Variants in KSR2 observed in about 807,000 individuals in gnomAD.
KSR2 encodes kinase suppressor of ras 2.
Under a neutral mutation model 107.8 loss-of-function variants are expected in KSR2, and 25 were observed. The ratio of observed to expected loss-of-function variants is 0.23; its 90% confidence interval spans 0.17 to 0.32. The LOEUF is 0.32. Among genes scored for constraint, KSR2 ranks in the 10% least tolerant of loss-of-function variants. KSR2 has a pLI of 1.00. For synonymous variants in KSR2, 480 were observed against 507.0 expected, an observed-to-expected ratio of 0.95 and a Z score of 0.71; for missense variants, 887 against 1,268.9, an observed-to-expected ratio of 0.70 and a Z score of 4.57.
chr12:117,811,521 A>C lies in KSR2; in HGVS notation c.472+43907T>G, dbSNP rs118144172. ...TCTGTGTTTTCACCAGCCCTCTAGG[A>C]GATTCTGATCCATGCTCAAGTTTGA... On this transcript the variant is annotated intron_variant, in intron 3 of 19. Coordinates refer to ENST00000339824, the MANE Select transcript of KSR2 (RefSeq NM_173598.6). Among the ~76,000 whole-genome samples, 931 of 152,298 alleles carry C rather than the reference A, an allele frequency of 6.1e-3. 6 individuals carry two copies. Among genetic ancestry groups the C allele is most frequent in the Admixed American group, 7.3e-3 (112 of 15,302 alleles).
intron 3 of KSR2, among the ~76,000 whole-genome samples, chr12:117,789,088 A>T (rs2136967776): frequency 6.6e-6 from 1 of 152,334 alleles, no homozygotes; most frequent in African/African-American, 2.4e-5. Context: ...CTCACTTTGC[A>T]ATTTGTCTAG....
At position 117,880,720 on chromosome 12, in the gene KSR2, T is replaced by C. The variant is rs1280139180; in HGVS notation, c.181-20289A>G. Among the ~76,000 whole-genome samples, 3 of 149,656 alleles carry C rather than the reference T, an allele frequency of 2.0e-5. No homozygotes were observed. The East Asian group carries it at 5.9e-4, about 29-fold the overall frequency. ...ACAGAATTTTGCCAGATTCTTTTTT[T>C]TTTTTTTTTTTTTTTCTGAGACGTG... On this transcript the variant is annotated intron_variant, in intron 1 of 19. Transcript: ENST00000339824.
chr12:117,494,977 C>G (rs920858779), intron 14 of KSR2, among the ~76,000 whole-genome samples: 3 of 152,216 alleles, frequency 2.0e-5, no homozygotes, highest in Admixed American at 2.0e-4. Flanking sequence ...TGGCTGGAAT[C>G]CAAAGAGTGT....
At chr12:117,859,139 C>CTT (rs34697963) in intron 2 of KSR2, among the ~76,000 whole-genome samples, 1,093 of 81,004 alleles carry the variant, frequency 0.013, 2 homozygotes, top group Middle Eastern at 0.02. Flanking sequence ...ATGAGCTGAA[C>CTT]TTTTTTTTTT....
At chr12:117,676,226 T>C (rs1420106906) in intron 4 of KSR2, among the ~76,000 whole-genome samples, 2 of 152,166 alleles carry the variant, frequency 1.3e-5, no homozygotes, top group Non-Finnish European at 2.9e-5. Context: ...ATAGCCCTCA[T>C]TTCTGGCTGG....
chr12:117,739,055 T>C (rs1888058741), intron 4 of KSR2, among the ~76,000 whole-genome samples: 1 of 152,128 alleles, frequency 6.6e-6, no homozygotes, highest in Non-Finnish European at 1.5e-5. Context: ...ATTAAATATA[T>C]TTTAAAAATA....
At chr12:117,644,129 A>T (rs548002450) in intron 5 of KSR2, among the ~76,000 whole-genome samples, 5 of 152,298 alleles carry the variant, frequency 3.3e-5, no homozygotes, top group African/African-American at 1.2e-4. Context: ...CAAGGGGCTG[A>T]GCAGCTGCCT....
chr12:117,717,666 GGTGTGTGTGTGTGTGTGTGTGTGT>G (rs55910019), intron 4 of KSR2, among the ~76,000 whole-genome samples: 2 of 144,366 alleles, frequency 1.4e-5, no homozygotes, highest in Admixed American at 6.9e-5. Flanking sequence ...GGGGCAGACA[GGTGTGTGTGTGTGTGTGTGTGTGT>G]GTGTGTGTGT....
intron 5 of KSR2, among the ~76,000 whole-genome samples, chr12:117,608,598 A>T (rs1881419491): frequency 6.6e-6 from 1 of 152,210 alleles, no homozygotes; most frequent in African/African-American, 2.4e-5. Flanking sequence ...GGTGCCCATG[A>T]AAATCCTTTC....
chr12:117,583,895 C>T (rs1201985918), intron 5 of KSR2, among the ~76,000 whole-genome samples: 4 of 152,328 alleles, frequency 2.6e-5, no homozygotes, highest in Middle Eastern at 3.4e-3. Flanking sequence ...GCTGCAAATG[C>T]ATGCCTCATT....
intron 4 of KSR2, among the ~76,000 whole-genome samples, chr12:117,730,656 G>A (rs673277): frequency 0.23 from 35,683 of 152,132 alleles, 5,302 homozygotes; most frequent in Admixed American, 0.37. Context: ...TTGCAGGCAC[G>A]CGCCGCCACG....
chr12:117,520,037 G>A (rs1404041079), intron 14 of KSR2, among the ~76,000 whole-genome samples: 2 of 152,194 alleles, frequency 1.3e-5, no homozygotes, highest in African/African-American at 4.8e-5. Context: ...AGGTGATTGT[G>A]ATATGACCAA....
chr12:117,730,965 G>A (rs1483442409), intron 4 of KSR2, among the ~76,000 whole-genome samples: 1 of 151,002 alleles, frequency 6.6e-6, no homozygotes, highest in Admixed American at 6.6e-5. Context: ...CTGCCTGGAC[G>A]TCCATCGTCT....
chr12:117,950,595 G>C (rs1332719176), intron 1 of KSR2, among the ~76,000 whole-genome samples: 2 of 151,704 alleles, frequency 1.3e-5, no homozygotes, highest in African/African-American at 4.8e-5. Context: ...AAAAAAATTA[G>C]CCAGGCATGG....
At chr12:117,768,336 T>C (rs1889319654) in intron 3 of KSR2, among the ~76,000 whole-genome samples, 1 of 152,174 alleles carries the variant, frequency 6.6e-6, no homozygotes, top group African/African-American at 2.4e-5. Flanking sequence ...ATCATATGGC[T>C]TAAAAGCCAC....
chr12:117,539,808 G>A lies in KSR2; in HGVS notation c.1598C>T (p.Ala533Val). The A allele has an allele frequency of 6.2e-7, 1 of 1,608,776 alleles. No homozygotes were observed. Among genetic ancestry groups the A allele is most frequent in the Non-Finnish European group, 8.5e-7 (1 of 1,177,910 alleles). Residue 533 changes from alanine (A) to valine (V), a missense_variant, in exon 10 of 20, where the codon GCA (alanine) becomes GTA (valine). Transcript: ENST00000339824. ...STTSSTPSSP[A>V]PPLPPSATPP... ...CGTGGCACTAGGAGGGAGGGGGGGT[G>A]CTGGCGAGGAGGGCGTGGAGGACGT...
chr12:117,561,504 C>T (rs1053401853), intron 7 of KSR2, among the ~76,000 whole-genome samples: 4 of 152,176 alleles, frequency 2.6e-5, no homozygotes, highest in African/African-American at 9.7e-5. Flanking sequence ...GATAACTTAC[C>T]TAATGTCAAA....
intron 14 of KSR2, among the ~76,000 whole-genome samples, chr12:117,492,324 G>C (rs943150706): frequency 6.6e-6 from 1 of 152,250 alleles, no homozygotes; most frequent in Non-Finnish European, 1.5e-5. Flanking sequence ...TGTCCAGACT[G>C]GCTCATTCTG....
intron 3 of KSR2, among the ~76,000 whole-genome samples, chr12:117,793,600 C>T (rs927479315): frequency 2.6e-4 from 38 of 143,858 alleles, no homozygotes; most frequent in African/African-American, 9.3e-4. Flanking sequence ...CACACATACA[C>T]CAACATGCAC....
Sources: gnomAD v4.1 joint callset for allele counts (sites outside exome capture counted in the v4.1 genomes callset) on GRCh38, gnomAD v4.1.1 for gene constraint, MANE v1.5 for transcripts, NCBI Gene and HGNC (gene_info 2026-07-23, HGNC 2026-07-21) for gene names.